The following TARBP1 variants were observed in gnomAD, a reference collection of about 807,000 sequenced individuals.
The protein encoded by TARBP1 is tRNA (guanosine(18)-2'-O)-methyltransferase TARBP1.
In TARBP1, 144 loss-of-function variants were observed where a neutral mutation model predicts 178.6. That is an observed-to-expected ratio of 0.81 (90% CI 0.70 to 0.93). The LOEUF is 0.93. Among genes scored for constraint, TARBP1 ranks in the 40% least tolerant of loss-of-function variants. The pLI, the probability that TARBP1 is intolerant of heterozygous loss-of-function variation, is 0.00. For missense variants in TARBP1, 2,067 were observed against 2,011.7 expected, an observed-to-expected ratio of 1.03 and a Z score of -0.53; for synonymous variants, 787 against 781.0, an observed-to-expected ratio of 1.01 and a Z score of -0.13.
At chr1:234,469,868 A>G (rs1279945228) in intron 3 of TARBP1, among the ~76,000 whole-genome samples, 1 of 152,258 alleles carries the variant, frequency 6.6e-6, no homozygotes, top group Non-Finnish European at 1.5e-5. Context: ...TCTCTTCCTA[A>G]GAAGTACAAG....
intron 13 of TARBP1, among the ~76,000 whole-genome samples, chr1:234,434,048 G>GA (rs888035262): frequency 3.9e-5 from 6 of 152,096 alleles, no homozygotes; most frequent in South Asian, 2.1e-4. Context: ...CATAAACCCA[G>GA]AAAAAAATGG....
chr1:234,400,494 A>C (rs1440381761), intron 25 of TARBP1, among the ~76,000 whole-genome samples: 1 of 152,128 alleles, frequency 6.6e-6, no homozygotes, highest in Non-Finnish European at 1.5e-5. Context: ...CCACCAAAAA[A>C]ATTGCTTATG....
At chr1:234,473,404 C>T (rs564161544) in intron 1 of TARBP1, among the ~76,000 whole-genome samples, 2 of 152,216 alleles carry the variant, frequency 1.3e-5, no homozygotes, top group Non-Finnish European at 2.9e-5. Flanking sequence ...ACTAGAACTG[C>T]TTTTCTGGAG....
rs1668356459 is a variant in TARBP1 at position 234,465,656 on chromosome 1, C to T, written c.1301G>A (p.Arg434Lys). 1.9e-6 allele frequency: 3 copies of T among 1,568,622 alleles called. No individual in the cohort carries two copies. In the South Asian group the frequency reaches 3.7e-5, roughly 19 times the overall value. ...ACTTCATAACATAATGTCTCTTTAC[C>T]TGCTATACAGAGAGCTCTCTGAAAG... is the stretch of plus-strand genomic sequence containing the variant. ...DALSESSLYS[R>K]SPGQPIGSCS... The change falls in exon 5 of 30, where the codon AGG becomes AAG. Residue 434 changes from arginine (R) to lysine (K), a missense_variant and splice_region_variant. Arg to Lys is a conservative substitution (Grantham distance 26). Coordinates refer to ENST00000040877, the MANE Select transcript of TARBP1 (RefSeq NM_005646.4).
chr1:234,417,446 A>C (rs755836558), intron 22 of TARBP1, among the ~76,000 whole-genome samples: 11 of 152,230 alleles, frequency 7.2e-5, no homozygotes, highest in Admixed American at 3.3e-4. Flanking sequence ...AGACAAGATC[A>C]TCTATTATGA....
At chr1:234,450,681 T>C (rs1666658170) in intron 9 of TARBP1, 115 bp from the exon 10 acceptor site, 4 of 1,179,378 alleles carry the variant, frequency 3.4e-6, no homozygotes, top group Non-Finnish European at 4.7e-6. Flanking sequence ...AATAATCGAA[T>C]ACAAAGTAAT....
chr1:234,391,534 A>G lies in TARBP1; in HGVS notation c.*43T>C, dbSNP rs6870. 2 of 1,523,876 alleles carry G rather than the reference A, an allele frequency of 1.3e-6. No homozygotes were observed. The highest frequency in any genetic ancestry group is 1.8e-6 in the Non-Finnish European group (2 of 1,134,054). 94.4% of individuals were successfully genotyped at this position (1,523,876 alleles called of 1,614,324 possible). On this transcript the variant is annotated 3_prime_UTR_variant, in exon 30 of 30. Coordinates refer to ENST00000040877, the MANE Select transcript of TARBP1 (RefSeq NM_005646.4). ...TTCTTTAGTCCAAATAGTTTTTTTT[A>G]AAAAAGTCTGAACAGCAGCAGCAGT...
At chr1:234,426,441 T>C (rs1057209169) in intron 19 of TARBP1, among the ~76,000 whole-genome samples, 4 of 152,020 alleles carry the variant, frequency 2.6e-5, no homozygotes, top group Non-Finnish European at 4.4e-5. Flanking sequence ...ACTAGAAAAA[T>C]TGACTTTTAT....
rs751401969 is a variant in TARBP1 at position 234,420,797 on chromosome 1, T to C, written c.3460A>G (p.Lys1154Glu). ...KLLDKDELVS[K>E]SKKRYYVNSL... is the part of the protein sequence containing the mutation. ...TTCACATAGTAGCGTTTTTTGGACT[T>C]GGACACTAATTCATCCTGGAAAGGA... Residue 1154 changes from lysine (K) to glutamate (E), a missense_variant, in exon 21 of 30, where the codon AAG (lysine) becomes GAG (glutamate). Transcript: ENST00000040877. 1 of 1,605,612 alleles carries C rather than the reference T, an allele frequency of 6.2e-7. No individual in the cohort carries two copies. The highest frequency in any genetic ancestry group is 8.5e-7 in the Non-Finnish European group (1 of 1,174,698).
intron 20 of TARBP1, among the ~76,000 whole-genome samples, chr1:234,424,623 T>C (rs1213051617): frequency 6.6e-6 from 1 of 152,184 alleles, no homozygotes; most frequent in Non-Finnish European, 1.5e-5. Context: ...TATATGAATA[T>C]AGTACTCTAA....
chr1:234,398,670 C>A (rs1217001246), intron 25 of TARBP1, 117 bp from the exon 26 acceptor site: 2 of 746,864 alleles, frequency 2.7e-6, no homozygotes, highest in Admixed American at 6.7e-5. Flanking sequence ...TACATCTGAT[C>A]AAACTATATA....
chr1:234,412,699 A>T (rs1299384951), intron 22 of TARBP1, among the ~76,000 whole-genome samples: 1 of 152,116 alleles, frequency 6.6e-6, no homozygotes, highest in African/African-American at 2.4e-5. Flanking sequence ...AGGGAGAGAG[A>T]GTTATCTAGA....
rs1341965063 is a variant in TARBP1, at chr1:234,405,918, C to G, written c.3974G>C (p.Ser1325Thr). 1 of 1,614,048 alleles carries G rather than the reference C, an allele frequency of 6.2e-7. No individual in the cohort carries two copies. Among genetic ancestry groups the G allele is most frequent in the Non-Finnish European group, 8.5e-7 (1 of 1,179,950 alleles). ...GGCTCCTTACCCTGCTCCGTGCATG[C>G]TTTCCACTTGATGGAGGCTGGATTC... ...VIESSLHQVE[S>T]MHGAGNAKKN... The change falls in exon 24 of 30, where the codon AGC becomes ACC. Residue 1325 changes from serine (S) to threonine (T), a missense_variant. Physicochemically the swap from Ser to Thr is moderately conservative, Grantham distance 58. Transcript: ENST00000040877.
intron 2 of TARBP1, among the ~76,000 whole-genome samples, chr1:234,471,891 A>C (rs993854178): frequency 2.6e-5 from 4 of 152,256 alleles, no homozygotes; most frequent in African/African-American, 9.6e-5. Context: ...GTCCACAAAC[A>C]AGGTTTGGTG....
chr1:234,447,814 T>C (rs1258979946), intron 11 of TARBP1, among the ~76,000 whole-genome samples: 1 of 152,138 alleles, frequency 6.6e-6, no homozygotes, highest in African/African-American at 2.4e-5. Context: ...TAATTATGTA[T>C]TTTACAAAGG....
chr1:234,458,986 T>C (rs1407964924), intron 8 of TARBP1, among the ~76,000 whole-genome samples: 1 of 152,180 alleles, frequency 6.6e-6, no homozygotes, highest in Non-Finnish European at 1.5e-5. Context: ...ACAAACACTT[T>C]AGATACAATA....
chr1:234,472,658 T>C (rs1669184044), intron 2 of TARBP1, 56 bp downstream of exon 2: 2 of 1,266,240 alleles, frequency 1.6e-6, no homozygotes, highest in Non-Finnish European at 1.1e-6. Flanking sequence ...TGAATGTTTT[T>C]AAAAAAGAAA....
chr1:234,478,313 C>A lies in TARBP1; in HGVS notation c.791G>T (p.Arg264Leu). The A allele has an allele frequency of 7.0e-7, 1 of 1,428,080 alleles. No individual in the cohort carries two copies. 88.5% of individuals were successfully genotyped at this position (1,428,080 alleles called of 1,614,324 possible). The stretch of plus-strand genomic sequence containing the variant: ...CCCCGCCTGCACCGTCCTCCAGAAG[C>A]GCCAGCAGCGCCGGGCGTCCGGGCC... ...EAGPDARRCWRFWRTVQAGLG... is the reference protein window; with the variant it reads ...EAGPDARRCWLFWRTVQAGLG... Residue 264 changes from arginine to leucine, a missense_variant, in exon 1 of 30, where the codon CGC (arginine) becomes CTC (leucine). Coordinates refer to ENST00000040877, the MANE Select transcript of TARBP1 (RefSeq NM_005646.4).
At chr1:234,456,398 G>A (rs1033257716) in intron 9 of TARBP1, among the ~76,000 whole-genome samples, 8 of 152,212 alleles carry the variant, frequency 5.3e-5, no homozygotes, top group African/African-American at 1.9e-4. Context: ...ACGGGGTTTC[G>A]CCATGCTGGC....
Sources: gnomAD v4.1 joint callset for allele counts (sites outside exome capture counted in the v4.1 genomes callset) on GRCh38, gnomAD v4.1.1 for gene constraint, MANE v1.5 for transcripts, NCBI Gene and HGNC (gene_info 2026-07-23, HGNC 2026-07-21) for gene names.